Variants in MED13L observed in about 807,000 individuals in gnomAD.
MED13L encodes the protein mediator of RNA polymerase II transcription subunit 13-like.
MED13L carries 7 observed loss-of-function variants against 220.9 expected under a neutral mutation model. The observed-to-expected ratio is 0.03, with a 90% CI of 0.02 to 0.06. The LOEUF (loss-of-function observed/expected upper bound fraction) is 0.06, where lower values mean the gene tolerates loss of function less well. Among genes scored for constraint, MED13L ranks in the 10% least tolerant of loss-of-function variants. MED13L has a pLI of 1.00. For missense variants in MED13L, 1,965 were observed against 2,760.5 expected (o/e 0.71, Z 6.46); for synonymous variants, 1,011 against 1,015.2 (o/e 1.00, Z 0.08).
At chr12:116,096,504 T>C (rs568381339) in intron 4 of MED13L, among the ~76,000 whole-genome samples, 165 bp downstream of exon 4, 18 of 152,018 alleles carry the variant, frequency 1.2e-4, no homozygotes, top group Non-Finnish European at 2.1e-4. Flanking sequence ...ATCTTTAATA[T>C]TGAATATAAA....
intron 2 of MED13L, among the ~76,000 whole-genome samples, chr12:116,125,047 A>C (rs2137975554): frequency 6.6e-6 from 1 of 152,372 alleles, no homozygotes; most frequent in African/African-American, 2.4e-5. Context: ...TTTTTACACT[A>C]AGAATGTGCT....
intron 1 of MED13L, among the ~76,000 whole-genome samples, chr12:116,275,199 C>A (rs1405747601): frequency 1.3e-5 from 2 of 151,974 alleles, no homozygotes; most frequent in African/African-American, 4.8e-5. Flanking sequence ...ATTTTAAATA[C>A]CCCTTGATCA....
intron 2 of MED13L, among the ~76,000 whole-genome samples, chr12:116,116,362 A>G (rs1874519240): frequency 6.6e-6 from 1 of 152,168 alleles, no homozygotes; most frequent in Non-Finnish European, 1.5e-5. Flanking sequence ...AAAAACCCAA[A>G]AAGACTGAGT....
Position 115,998,269 on chromosome 12 carries a change from A to T in MED13L, c.2570-1039T>A, listed in dbSNP as rs11067874. The stretch of plus-strand genomic sequence containing the variant: ...CACTAGGGGGTGGCCTATGCAGCAA[A>T]TTTTTTAAGTTTGGAGCCACAGGTT... On this transcript the variant is annotated intron_variant, in intron 14 of 30. Transcript: ENST00000281928. 4.7e-3 allele frequency among the ~76,000 whole-genome samples: 720 copies of T among 152,278 alleles called. 20 individuals are homozygous for T. Among genetic ancestry groups the T allele is most frequent in the East Asian group, 0.019 (98 of 5,174 alleles).
At chr12:116,006,133 T>A (rs1053052649) in intron 12 of MED13L, 140 bp from the exon 13 acceptor site, 71 of 1,365,282 alleles carry the variant, frequency 5.2e-5, no homozygotes, top group Non-Finnish European at 7.1e-5. Context: ...AGACAATTAT[T>A]TCCAAATATG....
chr12:116,274,668 T>G (rs528260950), intron 1 of MED13L, among the ~76,000 whole-genome samples: 1 of 152,038 alleles, frequency 6.6e-6, no homozygotes, highest in South Asian at 2.1e-4. Context: ...AGCAGTTTAA[T>G]TAATTTACAT....
chr12:115,986,538 A>G (rs1877703762), intron 18 of MED13L, 49 bp from the exon 19 acceptor site: 1 of 1,567,878 alleles, frequency 6.4e-7, no homozygotes, highest in Non-Finnish European at 8.8e-7. Context: ...TTTTCCCACA[A>G]CCTTACAATT....
chr12:116,159,616 A>G (rs1878708729), intron 2 of MED13L, among the ~76,000 whole-genome samples: 1 of 152,136 alleles, frequency 6.6e-6, no homozygotes, highest in African/African-American at 2.4e-5. Flanking sequence ...AGAAAAAAGC[A>G]CTCAAGTATC....
chr12:116,155,518 C>A (rs1012053793), intron 2 of MED13L, among the ~76,000 whole-genome samples: 6 of 152,162 alleles, frequency 3.9e-5, no homozygotes, highest in Admixed American at 1.3e-4. Context: ...ACAGTCTTGA[C>A]AGAGCAAACA....
At chr12:116,109,060 CTTTTTTTTTTTT>C (rs751600660) in intron 3 of MED13L, among the ~76,000 whole-genome samples, 2 of 97,082 alleles carry the variant, frequency 2.1e-5, no homozygotes, top group Non-Finnish European at 4.1e-5. Context: ...AATTAATTTC[CTTTTTTTTTTTT>C]TTTTTTTTTT....
chr12:116,132,687 G>A (rs201078321), intron 2 of MED13L, among the ~76,000 whole-genome samples: 7 of 152,058 alleles, frequency 4.6e-5, no homozygotes, highest in South Asian at 4.1e-4. Flanking sequence ...TTGGGAGGCC[G>A]AGGTGGGTGG....
chr12:116,209,099 T>C (rs1429025607), intron 2 of MED13L, among the ~76,000 whole-genome samples: 1 of 152,230 alleles, frequency 6.6e-6, no homozygotes, highest in Non-Finnish European at 1.5e-5. Flanking sequence ...GCATTTCAAT[T>C]AATATATCTT....
intron 3 of MED13L, among the ~76,000 whole-genome samples, chr12:116,105,224 C>T (rs952395342): frequency 2.0e-5 from 3 of 152,056 alleles, no homozygotes; most frequent in East Asian, 1.9e-4. Flanking sequence ...AAAGTGTAAC[C>T]TTTGAGAAGT....
At position 115,966,108 on chromosome 12, in the gene MED13L, G is replaced by C; in HGVS notation, c.6361C>G (p.Gln2121Glu). The C allele has an allele frequency of 6.2e-7, 1 of 1,614,154 alleles. No homozygotes were observed. Among genetic ancestry groups the C allele is most frequent in the Non-Finnish European group, 8.5e-7 (1 of 1,180,020 alleles). ...TTTAAGAAGAGAGGGCACTGGTTTTGAGCCTGGGGACACGATGACCAAAAC... is the reference window on the plus strand; with the variant it reads ...TTTAAGAAGAGAGGGCACTGGTTTTCAGCCTGGGGACACGATGACCAAAAC... ...QWFWSSCPQA[Q>E]NQCPLFLKAS... Residue 2121 changes from glutamine to glutamate, a missense_variant, in exon 29 of 31, where the codon CAA (glutamine) becomes GAA (glutamate). Physicochemically the swap from Gln to Glu is conservative, Grantham distance 29. Around this residue, in one of 10 missense-constraint regions of MED13L, gnomAD observed 145 missense variants for 328.3 expected, o/e 0.44. Coordinates refer to ENST00000281928, the MANE Select transcript of MED13L (RefSeq NM_015335.5).
chr12:115,980,602 G>A (rs1206262470), intron 23 of MED13L, 148 bp downstream of exon 23: 2 of 851,600 alleles, frequency 2.3e-6, no homozygotes, highest in East Asian at 2.5e-5. Context: ...AAGACTACAG[G>A]TGTGAGCCAA....
intron 2 of MED13L, among the ~76,000 whole-genome samples, chr12:116,209,269 T>C (rs894671979): frequency 3.3e-5 from 5 of 152,198 alleles, no homozygotes; most frequent in African/African-American, 7.2e-5. Flanking sequence ...CAGCTAGCTA[T>C]GACGTTTGAT....
chr12:116,103,836 T>C (rs1873302969), intron 3 of MED13L, among the ~76,000 whole-genome samples: 1 of 152,182 alleles, frequency 6.6e-6, no homozygotes. Flanking sequence ...TTCAATAAAA[T>C]TGGTATTTAT....
At chr12:116,034,418 G>C (rs1354564847) in intron 4 of MED13L, among the ~76,000 whole-genome samples, 1 of 152,130 alleles carries the variant, frequency 6.6e-6, no homozygotes, top group African/African-American at 2.4e-5. Context: ...GTAAAGCTCT[G>C]ATAGTCCAGC....
At chr12:116,198,813 C>A (rs1397149441) in intron 2 of MED13L, among the ~76,000 whole-genome samples, 8 of 152,102 alleles carry the variant, frequency 5.3e-5, no homozygotes, top group African/African-American at 1.9e-4. Context: ...AATAATAACA[C>A]TGAATGGACA....
Sources: allele counts gnomAD v4.1 joint callset (sites outside exome capture counted in the v4.1 genomes callset), GRCh38; gene constraint gnomAD v4.1.1; regional missense constraint gnomAD v4.1.1; transcripts MANE v1.5; gene names NCBI Gene and HGNC (gene_info 2026-07-23, HGNC 2026-07-21).